Variants in NCOA6 observed in about 807,000 individuals in gnomAD.
The protein encoded by NCOA6 is NRC RAP250.
Under a neutral mutation model 171.4 loss-of-function variants are expected in NCOA6, and 49 were observed. The observed-to-expected ratio is 0.29, with a 90% CI of 0.23 to 0.36. The LOEUF is 0.36. Ranked by LOEUF, NCOA6 falls within the 10% of genes least tolerant of loss-of-function variation. NCOA6 has a pLI of 1.00. For synonymous variants in NCOA6, 910 were observed against 927.5 expected, an observed-to-expected ratio of 0.98 and a Z score of 0.34; for missense variants, 2,248 against 2,554.5, an observed-to-expected ratio of 0.88 and a Z score of 2.59.
At chr20:34,716,835 G>T (rs1023506183) in intron 14 of NCOA6, among the ~76,000 whole-genome samples, 11 of 151,754 alleles carry the variant, frequency 7.2e-5, no homozygotes, top group African/African-American at 2.7e-4. Context: ...CTCTCCAAAG[G>T]TAAACACTTC....
At chr20:34,777,370 T>C (rs1316495379) in intron 3 of NCOA6, among the ~76,000 whole-genome samples, 1 of 151,810 alleles carries the variant, frequency 6.6e-6, no homozygotes, top group Non-Finnish European at 1.5e-5. Context: ...ATCCCAGCAC[T>C]TTGGGAGGCT....
intron 1 of NCOA6, among the ~76,000 whole-genome samples, chr20:34,796,771 G>A (rs1389519992): frequency 3.3e-5 from 5 of 151,846 alleles, no homozygotes; most frequent in Admixed American, 6.6e-5. Context: ...CCAGCATGCC[G>A]GAATTCCACT....
At chr20:34,795,914 T>C (rs1302942610) in intron 1 of NCOA6, among the ~76,000 whole-genome samples, 1 of 152,076 alleles carries the variant, frequency 6.6e-6, no homozygotes, top group East Asian at 1.9e-4. Flanking sequence ...TCAACAAAGG[T>C]AGATATTACA....
intron 7 of NCOA6, among the ~76,000 whole-genome samples, chr20:34,755,214 T>C (rs2076608354): frequency 6.6e-6 from 1 of 152,222 alleles, no homozygotes. Context: ...CCCAAAACTT[T>C]AGTTATTTTA....
intron 10 of NCOA6, 86 bp from the exon 11 acceptor site, chr20:34,743,427 T>C: frequency 1.4e-6 from 2 of 1,381,808 alleles, no homozygotes; most frequent in African/African-American, 2.9e-5. Context: ...GCAATACTCA[T>C]CTAGGTGGCA....
At chr20:34,822,015 G>A (rs927156521) in intron 1 of NCOA6, among the ~76,000 whole-genome samples, 3 of 152,040 alleles carry the variant, frequency 2.0e-5, no homozygotes, top group Non-Finnish European at 4.4e-5. Flanking sequence ...AATGCCCACA[G>A]CCTCTGCCTT....
At chr20:34,783,836 C>A (rs570685663) in intron 2 of NCOA6, among the ~76,000 whole-genome samples, 34 of 152,170 alleles carry the variant, frequency 2.2e-4, no homozygotes, top group Non-Finnish European at 4.6e-4. Flanking sequence ...GTTGCCCAGG[C>A]TGGTCTTGAA....
At chr20:34,752,914 CAA>C (rs71196760) in intron 8 of NCOA6, among the ~76,000 whole-genome samples, 41 of 119,036 alleles carry the variant, frequency 3.4e-4, no homozygotes, top group Admixed American at 5.6e-4. Context: ...AACTCCATCT[CAA>C]AAAAAAAAAA....
intron 4 of NCOA6, among the ~76,000 whole-genome samples, chr20:34,769,437 CA>C (rs1196995802): frequency 6.6e-6 from 1 of 150,520 alleles, no homozygotes; most frequent in Non-Finnish European, 1.5e-5. Flanking sequence ...GATCTTGGCT[CA>C]CTGCAACCTT....
At chr20:34,752,526 T>G (rs2076520195) in intron 8 of NCOA6, among the ~76,000 whole-genome samples, 1 of 152,132 alleles carries the variant, frequency 6.6e-6, no homozygotes, top group African/African-American at 2.4e-5. Context: ...AACAGACAAG[T>G]ATTTTTTCAG....
At position 34,782,190 on chromosome 20, in the gene NCOA6, T is replaced by C. The variant is rs2146201073; in HGVS notation, c.166A>G (p.Ile56Val). ...TTCCATTTGAAGTCTTTATCATCTATATTTCCTTTGAAGGCCACAAAAATT... is the reference window on the plus strand; with the variant it reads ...TTCCATTTGAAGTCTTTATCATCTACATTTCCTTTGAAGGCCACAAAAATT... The part of the protein sequence containing the change: ...STIFVAFKGN[I>V]DDKDFKWKLD... The change falls in exon 3 of 15, where the codon ATA becomes GTA. Residue 56 changes from isoleucine (I) to valine (V), a missense_variant. Physicochemically the swap from Ile to Val is conservative, Grantham distance 29 (BLOSUM62 3). Around this residue, in one of 7 missense-constraint regions of NCOA6, gnomAD observed 987 missense variants for 1,104.7 expected, o/e 0.89. Coordinates refer to ENST00000359003, the MANE Select transcript of NCOA6 (RefSeq NM_014071.5). 2 of 1,612,590 alleles carry C rather than the reference T, an allele frequency of 1.2e-6. No homozygotes were observed. The highest frequency in any genetic ancestry group is 1.7e-6 in the Non-Finnish European group (2 of 1,179,238).
chr20:34,720,442 T>C (rs1568701489), intron 14 of NCOA6, among the ~76,000 whole-genome samples: 1 of 152,218 alleles, frequency 6.6e-6, no homozygotes, highest in Non-Finnish European at 1.5e-5. Flanking sequence ...CCTGCTCTGA[T>C]CTGGCAGTCT....
intron 2 of NCOA6, 67 bp from the exon 3 acceptor site, chr20:34,782,471 A>AGTT: frequency 2.6e-6 from 1 of 390,134 alleles, no homozygotes. Flanking sequence ...TATAATTCAT[A>AGTT]GTTCTATGAA....
At chr20:34,750,629 T>C (rs1164284746) in intron 8 of NCOA6, 110 bp from the exon 9 acceptor site, 2 of 1,176,172 alleles carry the variant, frequency 1.7e-6, no homozygotes, top group Non-Finnish European at 1.2e-6. Context: ...TTATATCCAC[T>C]GACCAACATA....
intron 14 of NCOA6, among the ~76,000 whole-genome samples, chr20:34,725,429 G>T (rs1337319622): frequency 2.0e-5 from 3 of 152,168 alleles, no homozygotes; most frequent in East Asian, 1.9e-4. Flanking sequence ...GCAGAGAGAA[G>T]AGCACTCCCT....
chr20:34,795,694 T>A (rs748603712), intron 1 of NCOA6, among the ~76,000 whole-genome samples: 1 of 152,206 alleles, frequency 6.6e-6, no homozygotes, highest in Non-Finnish European at 1.5e-5. Flanking sequence ...CAGATCTGGT[T>A]TGAAGAAAAC....
At chr20:34,764,008 C>CTTT (rs2076895163) in intron 5 of NCOA6, among the ~76,000 whole-genome samples, 6 of 75,178 alleles carry the variant, frequency 8.0e-5, no homozygotes, top group African/African-American at 3.4e-4. Flanking sequence ...TCACCTTTGA[C>CTTT]ATTTTTTTTT....
In NCOA6 at chr20:34,757,764, A is replaced by C. The variant is rs771254432; in HGVS notation, c.984T>G (p.Pro328=). Residue 328 remains proline (P), a synonymous_variant, in exon 7 of 15, where the codon CCT becomes CCG. Transcript: ENST00000359003. ...WNQLPSGALQ[P]PPAQGSLGTM... ...TGCCCAGAGAACCCTGGGCTGGAGG[A>C]GGTTGAAGGGCTCCAGAAGGCAGCT... The C allele has an allele frequency of 2.5e-6, 4 of 1,613,650 alleles. No individual in the cohort carries two copies. The East Asian group carries it at 8.9e-5, about 36-fold the overall frequency.
At chr20:34,755,782 C>T (rs1413910313) in intron 7 of NCOA6, among the ~76,000 whole-genome samples, 1 of 152,164 alleles carries the variant, frequency 6.6e-6, no homozygotes, top group African/African-American at 2.4e-5. Flanking sequence ...GTTGCCCAGG[C>T]TGGAGTGTGG....
Sources: allele counts gnomAD v4.1 joint callset (sites outside exome capture counted in the v4.1 genomes callset), GRCh38; gene constraint gnomAD v4.1.1; regional missense constraint gnomAD v4.1.1; transcripts MANE v1.5; gene names NCBI Gene and HGNC (gene_info 2026-07-23, HGNC 2026-07-21).